ALG5: variants seen among roughly 807,000 people sequenced by gnomAD.
ALG5 encodes the protein ALG5 dolichyl-phosphate beta-glucosyltransferase, also known as dolichyl-phosphate beta-glucosyltransferase.
In ALG5, 26 loss-of-function variants were observed where a neutral mutation model predicts 51.8. That is an observed-to-expected ratio of 0.50 (90% CI 0.37 to 0.70). The LOEUF (loss-of-function observed/expected upper bound fraction) is 0.70, where lower values mean the gene tolerates loss of function less well. Ranked by LOEUF, ALG5 falls within the 30% of genes least tolerant of loss-of-function variation. The pLI is 0.00. For synonymous variants in ALG5, 141 were observed against 136.1 expected (o/e 1.04, Z -0.25); for missense variants, 311 against 399.3 (o/e 0.78, Z 1.88).
intron 9 of ALG5, among the ~76,000 whole-genome samples, chr13:36,950,687 C>T (rs952802610): frequency 3.3e-5 from 5 of 151,994 alleles, no homozygotes; most frequent in Non-Finnish European, 7.4e-5. Context: ...TCAAACGATC[C>T]AGTCCTCCTA....
chr13:36,951,798 T>C (rs1164282679), intron 9 of ALG5, among the ~76,000 whole-genome samples: 1 of 152,200 alleles, frequency 6.6e-6, no homozygotes, highest in Non-Finnish European at 1.5e-5. Flanking sequence ...TAGTTATTTA[T>C]TTTTTCAGAT....
At chr13:36,963,166 G>C (rs979274140) in intron 8 of ALG5, among the ~76,000 whole-genome samples, 1 of 152,096 alleles carries the variant, frequency 6.6e-6, no homozygotes, top group Non-Finnish European at 1.5e-5. Context: ...TTCCAGGGTG[G>C]TCTTTAACTC....
intron 8 of ALG5, among the ~76,000 whole-genome samples, chr13:36,963,108 A>C (rs1250658677): frequency 2.0e-5 from 3 of 152,058 alleles, no homozygotes; most frequent in African/African-American, 7.2e-5. Context: ...CACCACACCA[A>C]GCTAATTAAA....
intron 6 of ALG5, among the ~76,000 whole-genome samples, chr13:36,976,476 G>A (rs930350589): frequency 4.0e-5 from 6 of 150,056 alleles, no homozygotes; most frequent in African/African-American, 9.8e-5. Context: ...AGCTGGGCAC[G>A]GTGGTTCATG....
chr13:36,959,424 A>G (rs531030585), intron 8 of ALG5, among the ~76,000 whole-genome samples: 1 of 152,370 alleles, frequency 6.6e-6, no homozygotes, highest in South Asian at 2.1e-4. Flanking sequence ...TTGTATTCAT[A>G]AATCATAATA....
At chr13:36,972,768 A>T (rs1005161026) in intron 6 of ALG5, among the ~76,000 whole-genome samples, 2 of 152,126 alleles carry the variant, frequency 1.3e-5, no homozygotes, top group South Asian at 4.1e-4. Context: ...CAAGGAGGGC[A>T]GATCACGAGG....
At chr13:36,962,910 A>G (rs563551445) in intron 8 of ALG5, among the ~76,000 whole-genome samples, 1 of 152,188 alleles carries the variant, frequency 6.6e-6, no homozygotes, top group Non-Finnish European at 1.5e-5. Context: ...TGATATGACA[A>G]TATCTTGGAA....
intron 6 of ALG5, among the ~76,000 whole-genome samples, chr13:36,978,757 A>G (rs1248275766): frequency 6.6e-6 from 1 of 151,364 alleles, no homozygotes; most frequent in African/African-American, 2.4e-5. Flanking sequence ...TACTAAAAAT[A>G]CAAAAAAAGT....
intron 7 of ALG5, among the ~76,000 whole-genome samples, chr13:36,966,931 C>T (rs956877421): frequency 1.3e-5 from 2 of 152,114 alleles, no homozygotes; most frequent in Middle Eastern, 3.4e-3. Flanking sequence ...AAAGAAAAAG[C>T]ACCAAATCAG....
At chr13:36,969,479 T>C (rs1341931250) in intron 7 of ALG5, among the ~76,000 whole-genome samples, 2 of 151,780 alleles carry the variant, frequency 1.3e-5, no homozygotes, top group Non-Finnish European at 2.9e-5. Context: ...ATTGATCTAT[T>C]TTCATTAGCT....
chr13:36,955,730 CA>C (rs1434127350), intron 8 of ALG5, among the ~76,000 whole-genome samples: 3 of 135,692 alleles, frequency 2.2e-5, no homozygotes, highest in African/African-American at 8.1e-5. Flanking sequence ...AAACATTTCT[CA>C]GAACTAAAGG....
chr13:36,962,878 T>C, intron 8 of ALG5, among the ~76,000 whole-genome samples: 1 of 152,192 alleles, frequency 6.6e-6, no homozygotes, highest in Non-Finnish European at 1.5e-5. Context: ...ATAGTTCAAC[T>C]TTTTTCATAC....
In ALG5 at chr13:36,976,681, G is replaced by A. The variant is rs570334880; in HGVS notation, c.562-4645C>T. 3.3e-5 allele frequency among the ~76,000 whole-genome samples: 5 copies of A among 152,046 alleles called. No individual in the cohort carries two copies. In the South Asian group the frequency reaches 1.0e-3, roughly 32 times the overall value. On this transcript the variant is annotated intron_variant, in intron 6 of 9. Transcript: ENST00000239891. Reference sequence around the variant, plus strand: ...GAGAATCGCTTGAACCTGGGAGGCAGAGGTTGCGGTGAGCCGAGATCGCAC... The same window carrying A: ...GAGAATCGCTTGAACCTGGGAGGCAAAGGTTGCGGTGAGCCGAGATCGCAC...
Position 36,993,682 on chromosome 13 carries a change from A to G in ALG5, c.286-10T>C. 1 of 1,611,356 alleles carries G rather than the reference A, an allele frequency of 6.2e-7. No homozygotes were observed. The highest frequency in any genetic ancestry group is 8.5e-7 in the Non-Finnish European group (1 of 1,178,556). On this transcript the variant is annotated splice_polypyrimidine_tract_variant and intron_variant, in intron 3 of 9. Coordinates refer to ENST00000239891, the MANE Select transcript of ALG5 (RefSeq NM_013338.5). Reference sequence around the variant, plus strand: ...ACGCAGGATCTCGTTTCTGCAAGAAACAAAAATAAAGTAATACAATTTGGC... The same window carrying G: ...ACGCAGGATCTCGTTTCTGCAAGAAGCAAAAATAAAGTAATACAATTTGGC...
At chr13:36,965,759 C>T in intron 7 of ALG5, 33 bp from the exon 8 acceptor site, 1 of 1,594,410 alleles carries the variant, frequency 6.3e-7, no homozygotes, top group Non-Finnish European at 8.5e-7. Flanking sequence ...AATGACTTTT[C>T]CATTCATCTG....
At chr13:36,972,897 C>A (rs980645819) in intron 6 of ALG5, among the ~76,000 whole-genome samples, 19 of 148,142 alleles carry the variant, frequency 1.3e-4, no homozygotes, top group Non-Finnish European at 2.4e-4. Context: ...GAGGCTGAGG[C>A]AGGAGAATGG....
intron 8 of ALG5, 92 bp downstream of exon 8, chr13:36,965,483 A>G (rs922626866): frequency 2.3e-6 from 3 of 1,298,460 alleles, no homozygotes; most frequent in East Asian, 2.3e-5. Context: ...TTAAATCTAC[A>G]TGTTCATTAT....
chr13:36,952,477 T>C (rs1156643528), intron 9 of ALG5, 37 bp downstream of exon 9: 3 of 1,448,602 alleles, frequency 2.1e-6, no homozygotes, highest in Non-Finnish European at 2.9e-6. Context: ...CTGTATTATC[T>C]GACTCAAGAC....
At chr13:36,956,346 T>C (rs1593657585) in intron 8 of ALG5, among the ~76,000 whole-genome samples, 1 of 151,942 alleles carries the variant, frequency 6.6e-6, no homozygotes, top group African/African-American at 2.4e-5. Flanking sequence ...GGTGAGGAGG[T>C]GGAGAAGTGG....
Sources: gnomAD v4.1 joint callset for allele counts (sites outside exome capture counted in the v4.1 genomes callset) on GRCh38, gnomAD v4.1.1 for gene constraint, MANE v1.5 for transcripts, NCBI Gene and HGNC (gene_info 2026-07-23, HGNC 2026-07-21) for gene names.